Variants in LGSN observed in about 807,000 individuals in gnomAD.
LGSN encodes the protein lengsin.
LGSN carries 21 observed loss-of-function variants against 19.5 expected under a neutral mutation model. That is an observed-to-expected ratio of 1.07 (90% CI 0.76 to 1.55). The LOEUF (loss-of-function observed/expected upper bound fraction) is 1.55. LGSN is among the 40% of genes most tolerant of loss of function. The pLI, the probability that LGSN is intolerant of heterozygous loss-of-function variation, is 0.00. For missense variants in LGSN, 673 were observed against 608.5 expected (o/e 1.11, Z -1.12); for synonymous variants, 257 against 215.6 (o/e 1.19, Z -1.68).
the LGSN span, among the ~76,000 whole-genome samples, chr6:63,420,134 C>T: frequency 6.7e-6 from 1 of 149,980 alleles, no homozygotes; most frequent in Non-Finnish European, 1.5e-5. Flanking sequence ...ACTCGGGAGG[C>T]GGAGCTTGCA....
chr6:63,352,176 A>C, the LGSN span, among the ~76,000 whole-genome samples: 1 of 152,246 alleles, frequency 6.6e-6, no homozygotes, highest in Non-Finnish European at 1.5e-5. Flanking sequence ...ATCTACACAG[A>C]CTTGTTTTAG....
chr6:63,379,381 C>T, the LGSN span, among the ~76,000 whole-genome samples: 5 of 152,180 alleles, frequency 3.3e-5, no homozygotes, highest in Admixed American at 3.3e-4. Flanking sequence ...CCTCAGCAGA[C>T]ATCCAGTGCC....
the LGSN span, chr6:63,571,967 A>C: frequency 1.3e-5 from 2 of 152,194 alleles, no homozygotes; most frequent in Non-Finnish European, 2.9e-5. Context: ...ATATTATTTG[A>C]TGACGAAGGT....
At chr6:63,459,207 G>T in the LGSN span, among the ~76,000 whole-genome samples, 3 of 152,090 alleles carry the variant, frequency 2.0e-5, no homozygotes, top group Non-Finnish European at 4.4e-5. Flanking sequence ...GGGTTTGAAG[G>T]TAAAATGTCA....
At chr6:63,542,840 C>A in the LGSN span, among the ~76,000 whole-genome samples, 1 of 152,110 alleles carries the variant, frequency 6.6e-6, no homozygotes, top group Non-Finnish European at 1.5e-5. Context: ...TCACCACCTC[C>A]ACCCCTACCT....
At chr6:63,482,453 G>A in the LGSN span, among the ~76,000 whole-genome samples, 16 of 152,188 alleles carry the variant, frequency 1.1e-4, no homozygotes, top group Non-Finnish European at 1.9e-4. Context: ...TATGGGCCAG[G>A]CACAGTAGCT....
chr6:63,510,193 T>G, the LGSN span, among the ~76,000 whole-genome samples: 2 of 152,312 alleles, frequency 1.3e-5, no homozygotes, highest in African/African-American at 4.8e-5. Context: ...AGTATGTCAT[T>G]GCCGCCTTCA....
chr6:63,520,176 T>A, the LGSN span, among the ~76,000 whole-genome samples: 1 of 152,262 alleles, frequency 6.6e-6, no homozygotes. Flanking sequence ...TGCATCCTTT[T>A]TTTAACTTCA....
the LGSN span, among the ~76,000 whole-genome samples, chr6:63,485,982 A>G: frequency 6.6e-5 from 10 of 152,044 alleles, no homozygotes; most frequent in Non-Finnish European, 1.5e-4. Context: ...CACCTGTTTC[A>G]GCCTCCCAAA....
In LGSN at chr6:63,285,637, C is replaced by T. The variant is rs148449765; in HGVS notation, c.280G>A (p.Asp94Asn). ...RLQFVRFEAT[D>N]LHGVSRSKTI... Reference sequence around the variant, plus strand: ...TTAGACCTGGACACGCCGTGGAGGTCTGTTGCTTCAAATCGTACAAACTGG... The same window carrying T: ...TTAGACCTGGACACGCCGTGGAGGTTTGTTGCTTCAAATCGTACAAACTGG... Residue 94 changes from aspartate to asparagine, a missense_variant, in exon 3 of 4, where the codon GAC (aspartate) becomes AAC (asparagine). Asp to Asn is a conservative substitution (Grantham distance 23). Coordinates refer to ENST00000370657, the MANE Select transcript of LGSN (RefSeq NM_016571.3). 6.2e-7 allele frequency: 1 copy of T among 1,613,932 alleles called. No homozygotes were observed. The highest frequency in any genetic ancestry group is 8.5e-7 in the Non-Finnish European group (1 of 1,180,004).
chr6:63,435,773 A>G, the LGSN span, among the ~76,000 whole-genome samples: 102 of 152,258 alleles, frequency 6.7e-4, no homozygotes, highest in African/African-American at 2.3e-3. Context: ...CGAATTGAAT[A>G]TTTAATATTG....
the LGSN span, among the ~76,000 whole-genome samples, chr6:63,555,239 A>G: frequency 2.0e-5 from 3 of 152,242 alleles, no homozygotes; most frequent in Non-Finnish European, 4.4e-5. Flanking sequence ...GTAGAGGTAC[A>G]TGACTCTCCA....
the LGSN span, among the ~76,000 whole-genome samples, chr6:63,471,190 C>G: frequency 6.6e-6 from 1 of 150,792 alleles, no homozygotes; most frequent in African/African-American, 2.4e-5. Flanking sequence ...GTTAGTCAAG[C>G]TGGTCTCAAA....
chr6:63,442,626 G>A, the LGSN span, among the ~76,000 whole-genome samples: 3 of 150,864 alleles, frequency 2.0e-5, no homozygotes, highest in Admixed American at 6.6e-5. Context: ...TGACTGGTAC[G>A]TTTACAAACC....
the LGSN span, chr6:63,549,002 G>A: frequency 1.2e-3 from 896 of 730,346 alleles, 1 homozygote; most frequent in Non-Finnish European, 1.7e-3. Context: ...GGGCAGGCAA[G>A]AAGACAACCA....
chr6:63,550,818 A>G, the LGSN span, among the ~76,000 whole-genome samples: 11 of 151,886 alleles, frequency 7.2e-5, no homozygotes, highest in African/African-American at 2.4e-4. Context: ...AAAGACAGGG[A>G]TTTCACCATG....
the LGSN span, among the ~76,000 whole-genome samples, chr6:63,450,596 A>T: frequency 1.2e-4 from 19 of 152,082 alleles, no homozygotes; most frequent in Non-Finnish European, 2.5e-4. Flanking sequence ...AACGTTAGTA[A>T]ACATGTTATC....
chr6:63,333,407 A>C, the LGSN span, among the ~76,000 whole-genome samples: 7 of 150,622 alleles, frequency 4.6e-5, no homozygotes, highest in African/African-American at 1.7e-4. Flanking sequence ...TTACCCTGGC[A>C]CCAAAACCAG....
chr6:63,372,188 G>A, the LGSN span, among the ~76,000 whole-genome samples: 1 of 152,212 alleles, frequency 6.6e-6, no homozygotes, highest in South Asian at 2.1e-4. Context: ...GGGCTACTGT[G>A]TCCAGAAGAC....
Sources: gnomAD v4.1 joint callset for allele counts (sites outside exome capture counted in the v4.1 genomes callset) on GRCh38, gnomAD v4.1.1 for gene constraint, MANE v1.5 for transcripts, NCBI Gene and HGNC (gene_info 2026-07-23, HGNC 2026-07-21) for gene names.